The following FAT4 variants were observed in gnomAD, a reference collection of about 807,000 sequenced individuals.
FAT4 encodes protocadherin Fat 4.
In FAT4, 84 loss-of-function variants were observed where a neutral mutation model predicts 303.9. The ratio of observed to expected loss-of-function variants is 0.28; its 90% CI spans 0.23 to 0.33. The LOEUF (loss-of-function observed/expected upper bound fraction) is 0.33. Among genes scored for constraint, FAT4 ranks in the 10% least tolerant of loss-of-function variants. The pLI is 1.00. For missense variants in FAT4, 6,005 were observed against 6,146.8 expected, an observed-to-expected ratio of 0.98 and a Z score of 0.77; for synonymous variants, 2,307 against 2,298.8, an observed-to-expected ratio of 1.00 and a Z score of -0.10.
rs565624460 is a variant in FAT4 at position 125,467,785 on chromosome 4, A to G, written c.11906-727A>G. On this transcript the variant is annotated intron_variant, in intron 11 of 17. Coordinates refer to ENST00000394329, the MANE Select transcript of FAT4 (RefSeq NM_001291303.3). ...AAAACAAATGCATTTGCCATCTTCAATTGAGTTGAAATAGTTTTTAAGAAC... is the reference window on the plus strand; with the variant it reads ...AAAACAAATGCATTTGCCATCTTCAGTTGAGTTGAAATAGTTTTTAAGAAC... 2.0e-3 allele frequency among the ~76,000 whole-genome samples: 302 copies of G among 152,342 alleles called. 1 individual carries two copies. Among genetic ancestry groups the G allele is most frequent in the Middle Eastern group, 6.8e-3 (2 of 294 alleles).
chr4:125,446,251 T>C (rs1725822486), intron 8 of FAT4, 42 bp from the exon 9 acceptor site: 1 of 1,539,242 alleles, frequency 6.5e-7, no homozygotes, highest in East Asian at 2.3e-5. Flanking sequence ...GTTACGATAT[T>C]AAAACTATAT....
intron 7 of FAT4, among the ~76,000 whole-genome samples, chr4:125,428,649 GTTATAT>G (rs1425375557): frequency 6.6e-6 from 1 of 152,034 alleles, no homozygotes; most frequent in African/African-American, 2.4e-5. Flanking sequence ...CCATGTTTAT[GTTATAT>G]TTATGTTTAT....
intron 7 of FAT4, among the ~76,000 whole-genome samples, chr4:125,419,938 G>A (rs932951257): frequency 3.9e-5 from 6 of 152,168 alleles, no homozygotes; most frequent in African/African-American, 1.4e-4. Context: ...CCTTAAAAAT[G>A]CCAACCTTTC....
At chr4:125,430,246 C>T (rs1031481758) in intron 7 of FAT4, among the ~76,000 whole-genome samples, 6 of 151,486 alleles carry the variant, frequency 4.0e-5, no homozygotes, top group Non-Finnish European at 5.9e-5. Flanking sequence ...AAAAGAAGTG[C>T]CAAGATCTGT....
chr4:125,390,691 G>C (rs562460286), intron 2 of FAT4, among the ~76,000 whole-genome samples: 1 of 152,268 alleles, frequency 6.6e-6, no homozygotes, highest in Non-Finnish European at 1.5e-5. Context: ...ATACACATTT[G>C]AATGAGCTCA....
chr4:125,477,212 A>C lies in FAT4; in HGVS notation c.12357A>C (p.Pro4119=), dbSNP rs1164046813. 1.3e-6 allele frequency: 2 copies of C among 1,522,866 alleles called. No individual in the cohort carries two copies. Among genetic ancestry groups the C allele is most frequent in the Non-Finnish European group, 1.8e-6 (2 of 1,129,800 alleles). 94.3% of individuals were successfully genotyped at this position (1,522,866 alleles called of 1,614,324 possible). ...TTGGAGGTATCAGATCTCTAGAACC[A>C]ATCCTTCAGAGAAGAGGACACGTGG... ...VTVGGIRSLE[P]ILQRRGHVES... Residue 4119 remains proline, a synonymous_variant, in exon 14 of 18, where the codon CCA becomes CCC. Coordinates refer to ENST00000394329, the MANE Select transcript of FAT4 (RefSeq NM_001291303.3).
At chr4:125,443,360 A>G (rs1452739945) in intron 8 of FAT4, among the ~76,000 whole-genome samples, 1 of 152,186 alleles carries the variant, frequency 6.6e-6, no homozygotes, top group Non-Finnish European at 1.5e-5. Flanking sequence ...CTTGAGCAAG[A>G]GTCCATGTTG....
rs556646163 is a variant in FAT4 at position 125,460,729 on chromosome 4, A to C, written c.11801-2834A>C. ...ATTCCATGTCTTTGCTATTGTGAAT[A>C]GTGCTGCATTGCACATTCATTTGTA... On this transcript the variant is annotated intron_variant, in intron 10 of 17. Coordinates refer to ENST00000394329, the MANE Select transcript of FAT4 (RefSeq NM_001291303.3). 2.0e-5 allele frequency among the ~76,000 whole-genome samples: 3 copies of C among 152,256 alleles called. No individual in the cohort carries two copies. In the South Asian group the frequency reaches 6.2e-4, roughly 32 times the overall value.
At position 125,487,420 on chromosome 4, in the gene FAT4, T is replaced by C. The variant is rs1310567481; in HGVS notation, c.12898T>C (p.Tyr4300His). ...AGTGGAGAGAAATATTCCTGAAGTA[T>C]ATGTTGCAGACGGCCACTGGCACAC... ...GKVERNIPEV[Y>H]VADGHWHTFL... Residue 4300 changes from tyrosine to histidine, a missense_variant, in exon 17 of 18, where the codon TAT (tyrosine) becomes CAT (histidine). Tyr to His is a moderately conservative substitution (Grantham distance 83). Coordinates refer to ENST00000394329, the MANE Select transcript of FAT4 (RefSeq NM_001291303.3). 11 of 1,614,076 alleles carry C rather than the reference T, an allele frequency of 6.8e-6. No homozygotes were observed. In the East Asian group the frequency reaches 2.0e-4, roughly 29 times the overall value.
intron 8 of FAT4, among the ~76,000 whole-genome samples, chr4:125,443,094 A>T (rs1012079373): frequency 6.6e-6 from 1 of 152,146 alleles, no homozygotes; most frequent in African/African-American, 2.4e-5. Context: ...TCTTAACTAA[A>T]TGATCATATT....
At chr4:125,437,163 G>A (rs895150600) in intron 8 of FAT4, among the ~76,000 whole-genome samples, 1 of 151,980 alleles carries the variant, frequency 6.6e-6, no homozygotes, top group Non-Finnish European at 1.5e-5. Flanking sequence ...CCGACACATG[G>A]GGATTATTAC....
rs771849892 is a variant in FAT4, at chr4:125,450,420, G to A, written c.9410G>A (p.Gly3137Asp). 78 of 1,613,932 alleles carry A rather than the reference G, an allele frequency of 4.8e-5. No individual in the cohort carries two copies. Among genetic ancestry groups the A allele is most frequent in the Middle Eastern group, 1.6e-4 (1 of 6,084 alleles). The change falls in exon 10 of 18, where the codon GGC becomes GAC. Residue 3137 changes from glycine (G) to aspartate (D), a missense_variant. Gly to Asp is a moderately conservative substitution (Grantham distance 94, BLOSUM62 -1). Coordinates refer to ENST00000394329, the MANE Select transcript of FAT4 (RefSeq NM_001291303.3). ...AGCATTTCTTCAGGAAATGAAGAAG[G>A]CATTTTTGCAATCAATTCTTCTACA... ...KYSISSGNEE[G>D]IFAINSSTGI...
At position 125,339,721 on chromosome 4, in the gene FAT4, T is replaced by G. The variant is rs568372766; in HGVS notation, c.5175+18135T>G. On this transcript the variant is annotated intron_variant, in intron 2 of 17. Transcript: ENST00000394329. ...AAAACTGAGGCTCAGGGAAGATTAG[T>G]TAACTCCCTTTGGATCATACAATTA... is the stretch of plus-strand genomic sequence containing the variant. Among the ~76,000 whole-genome samples the G allele has an allele frequency of 9.9e-5, 15 of 152,284 alleles. No individual in the cohort carries two copies. In the South Asian group the frequency reaches 3.1e-3, roughly 32 times the overall value.
Position 125,450,281 on chromosome 4 carries a change from T to G in FAT4, c.9271T>G (p.Phe3091Val). ...TGAGGAAAACTACCATACACCTGAA[T>G]TCTCTCAAAGCCACATGAGTGCAAC... Reference protein sequence around the residue: ...VTEENYHTPEFSQSHMSATIP... With the variant: ...VTEENYHTPEVSQSHMSATIP... The change falls in exon 10 of 18, where the codon TTC becomes GTC. Residue 3091 changes from phenylalanine to valine, a missense_variant. Coordinates refer to ENST00000394329, the MANE Select transcript of FAT4 (RefSeq NM_001291303.3). The G allele has an allele frequency of 1.2e-6, 2 of 1,614,126 alleles. No individual in the cohort carries two copies. Among genetic ancestry groups the G allele is most frequent in the Non-Finnish European group, 1.7e-6 (2 of 1,180,014 alleles).
chr4:125,490,643 C>A lies in FAT4; in HGVS notation c.13827C>A (p.Ser4609Arg), dbSNP rs767553555. ...DIPHNSETIP[S>R]APLASPEQEI... ...CTCACAACTCAGAAACCATCCCCAGCGCCCCTTTGGCATCTCCAGAGCAGG... is the reference window on the plus strand; with the variant it reads ...CTCACAACTCAGAAACCATCCCCAGAGCCCCTTTGGCATCTCCAGAGCAGG... The change falls in exon 18 of 18, where the codon AGC becomes AGA. Residue 4609 changes from serine to arginine, a missense_variant. Transcript: ENST00000394329. The A allele has an allele frequency of 6.2e-7, 1 of 1,614,140 alleles. No homozygotes were observed. Among genetic ancestry groups the A allele is most frequent in the Admixed American group, 1.7e-5 (1 of 60,016 alleles).
Position 125,434,441 on chromosome 4 carries a change from T to A in FAT4, c.7199+16T>A. 1.9e-6 allele frequency: 3 copies of A among 1,610,892 alleles called. No homozygotes were observed. The highest frequency in any genetic ancestry group is 2.5e-6 in the Non-Finnish European group (3 of 1,178,576). ...CAGTTATAAGGTCAGTACATTTTCC[T>A]TTGTAAAGTTTGTCTGTTTTCTCAT... is the stretch of plus-strand genomic sequence containing the variant. On this transcript the variant is annotated intron_variant, in intron 8 of 17. Coordinates refer to ENST00000394329, the MANE Select transcript of FAT4 (RefSeq NM_001291303.3).
intron 11 of FAT4, among the ~76,000 whole-genome samples, chr4:125,468,264 C>G (rs758064391): frequency 6.6e-6 from 1 of 152,080 alleles, no homozygotes; most frequent in Non-Finnish European, 1.5e-5. Flanking sequence ...ACAAAACATA[C>G]TTAGATATGT....
intron 3 of FAT4, among the ~76,000 whole-genome samples, chr4:125,404,270 A>G (rs184604809): frequency 6.6e-6 from 1 of 152,080 alleles, no homozygotes. Flanking sequence ...CTGTATTCAC[A>G]ATCTGCCTTC....
At chr4:125,431,269 C>T (rs182285941) in intron 7 of FAT4, among the ~76,000 whole-genome samples, 2 of 152,260 alleles carry the variant, frequency 1.3e-5, no homozygotes, top group Admixed American at 1.3e-4. Context: ...TCAGATCTTT[C>T]TTGAAATCTC....
Sources: allele counts gnomAD v4.1 joint callset (sites outside exome capture counted in the v4.1 genomes callset), GRCh38; gene constraint gnomAD v4.1.1; transcripts MANE v1.5; gene names NCBI Gene and HGNC (gene_info 2026-07-23, HGNC 2026-07-21).